The following TASP1 variants were observed in gnomAD, a reference collection of about 807,000 sequenced individuals.
TASP1 encodes taspase 1.
A neutral mutation model predicts 56.6 loss-of-function variants in TASP1; 16 were observed. That is an observed-to-expected ratio of 0.28 (90% CI 0.19 to 0.43). The LOEUF (loss-of-function observed/expected upper bound fraction) is 0.43. Among genes scored for constraint, TASP1 ranks in the 20% least tolerant of loss-of-function variants. The pLI is 1.00. For missense variants in TASP1, 393 were observed against 511.6 expected (o/e 0.77, Z 2.24); for synonymous variants, 179 against 184.2 (o/e 0.97, Z 0.23).
intron 3 of TASP1, among the ~76,000 whole-genome samples, chr20:13,623,734 T>C (rs1791412450): frequency 6.6e-6 from 1 of 152,314 alleles, no homozygotes; most frequent in Middle Eastern, 3.4e-3. Context: ...ATTAAAACAA[T>C]AAAATCTAGT....
At chr20:13,600,498 G>C (rs2047915403) in intron 4 of TASP1, 1 of 152,062 alleles carries the variant, frequency 6.6e-6, no homozygotes, top group African/African-American at 2.4e-5. Flanking sequence ...ACATTTTCAA[G>C]AAACTGTACT....
At chr20:13,535,323 A>G (rs921670199) in intron 8 of TASP1, among the ~76,000 whole-genome samples, 1 of 152,244 alleles carries the variant, frequency 6.6e-6, no homozygotes, top group African/African-American at 2.4e-5. Flanking sequence ...TCCCTAAAGC[A>G]AACTGGAAAA....
At chr20:13,576,226 AG>A in intron 6 of TASP1, among the ~76,000 whole-genome samples, 4 of 35,648 alleles carry the variant, frequency 1.1e-4, no homozygotes, top group African/African-American at 3.3e-4. Flanking sequence ...AGGGGAGGGG[AG>A]GGGAGGGGAG....
the TASP1 span, among the ~76,000 whole-genome samples, chr20:13,376,063 A>C: frequency 5.9e-5 from 9 of 152,034 alleles, 1 homozygote; most frequent in Non-Finnish European, 1.2e-4. Context: ...TTGCTGCGCA[A>C]AAGCTCTTTA....
chr20:13,387,209 T>G (rs2041170447), downstream of TASP1, among the ~76,000 whole-genome samples: 1 of 144,358 alleles, frequency 6.9e-6, no homozygotes. Flanking sequence ...TTTTTTTTTT[T>G]TGAGATGGAG....
chr20:13,323,298 A>C, the TASP1 span, among the ~76,000 whole-genome samples: 1 of 152,178 alleles, frequency 6.6e-6, no homozygotes, highest in Non-Finnish European at 1.5e-5. Context: ...ACTGGTCCAA[A>C]GGAAGGGAGG....
chr20:13,367,257 T>G, the TASP1 span, among the ~76,000 whole-genome samples: 1 of 152,246 alleles, frequency 6.6e-6, no homozygotes, highest in South Asian at 2.1e-4. Context: ...TCTCTGCTTT[T>G]AACTGTCTTG....
At chr20:13,598,927 A>G (rs2047848454) in intron 4 of TASP1, among the ~76,000 whole-genome samples, 1 of 152,244 alleles carries the variant, frequency 6.6e-6, no homozygotes, top group South Asian at 2.1e-4. Context: ...ACATGAAAAA[A>G]TGCTCATCAT....
intron 12 of TASP1, among the ~76,000 whole-genome samples, chr20:13,433,360 C>G (rs1249692817): frequency 6.6e-6 from 1 of 152,088 alleles, no homozygotes; most frequent in Non-Finnish European, 1.5e-5. Flanking sequence ...TTGGGTTTAA[C>G]TATCTAACTG....
intron 4 of TASP1, among the ~76,000 whole-genome samples, chr20:13,604,706 C>A (rs529946341): frequency 2.0e-5 from 3 of 152,112 alleles, no homozygotes; most frequent in African/African-American, 7.2e-5. Context: ...TAGGGAAATG[C>A]AAATTAAAAC....
At chr20:13,405,380 T>C (rs1300575014) in intron 13 of TASP1, among the ~76,000 whole-genome samples, 2 of 152,220 alleles carry the variant, frequency 1.3e-5, no homozygotes, top group African/African-American at 4.8e-5. Flanking sequence ...AATTTCCTCT[T>C]TCATTTTTTT....
intron 4 of TASP1, among the ~76,000 whole-genome samples, chr20:13,592,410 A>AT (rs2047568048): frequency 6.6e-6 from 1 of 151,844 alleles, no homozygotes; most frequent in Non-Finnish European, 1.5e-5. Context: ...AAAAAAAAAA[A>AT]AATTATATTC....
At chr20:13,435,292 C>T in intron 11 of TASP1, 138 bp from the exon 12 acceptor site, 1 of 658,510 alleles carries the variant, frequency 1.5e-6, no homozygotes, top group Non-Finnish European at 2.6e-6. Context: ...GTTCATACCT[C>T]ATTATATACT....
intron 8 of TASP1, among the ~76,000 whole-genome samples, chr20:13,538,002 CTTTTT>C: frequency 7.2e-6 from 1 of 139,596 alleles, no homozygotes; most frequent in East Asian, 2.1e-4. Context: ...ATCTATCAGT[CTTTTT>C]TTTTTTTTTT....
At chr20:13,594,742 A>C (rs2047665015) in intron 4 of TASP1, among the ~76,000 whole-genome samples, 1 of 152,236 alleles carries the variant, frequency 6.6e-6, no homozygotes, top group Non-Finnish European at 1.5e-5. Flanking sequence ...GACCAAATCT[A>C]CGTCTGATTG....
the TASP1 span, among the ~76,000 whole-genome samples, chr20:13,213,276 C>G: frequency 1.3e-5 from 2 of 151,980 alleles, no homozygotes; most frequent in African/African-American, 4.8e-5. Flanking sequence ...AATTATATTC[C>G]TTGTGCTTTT....
intron 9 of TASP1, among the ~76,000 whole-genome samples, chr20:13,533,335 T>C (rs1331533747): frequency 1.3e-5 from 2 of 152,162 alleles, no homozygotes; most frequent in Non-Finnish European, 2.9e-5. Flanking sequence ...TGTGCCAAAA[T>C]TGATTTATCC....
chr20:13,220,233 G>C, the TASP1 span, among the ~76,000 whole-genome samples: 3 of 152,238 alleles, frequency 2.0e-5, no homozygotes, highest in East Asian at 1.9e-4. Context: ...CCGCTACTCC[G>C]AGTCACTTCG....
chr20:13,565,571 C>T (rs1355338294), intron 7 of TASP1, among the ~76,000 whole-genome samples: 2 of 151,866 alleles, frequency 1.3e-5, no homozygotes, highest in Admixed American at 1.3e-4. Context: ...TAAAAATGGC[C>T]AATAAGCACA....
Sources: allele counts gnomAD v4.1 joint callset (sites outside exome capture counted in the v4.1 genomes callset), GRCh38; gene constraint gnomAD v4.1.1; transcripts MANE v1.5; gene names NCBI Gene and HGNC (gene_info 2026-07-23, HGNC 2026-07-21).